Variants in ALPK2 observed in about 807,000 individuals in gnomAD.
The protein encoded by ALPK2 is alpha-protein kinase 2.
A neutral mutation model predicts 163.1 loss-of-function variants in ALPK2; 127 were observed. That is an observed-to-expected ratio of 0.78 (90% confidence interval 0.67 to 0.90). The LOEUF (loss-of-function observed/expected upper bound fraction) is 0.90, where lower values mean the gene tolerates loss of function less well. ALPK2 is among the 40% of genes least tolerant of loss of function. The pLI is 0.00. For synonymous variants in ALPK2, 953 were observed against 959.1 expected, an observed-to-expected ratio of 0.99 and a Z score of 0.12; for missense variants, 2,360 against 2,589.6, an observed-to-expected ratio of 0.91 and a Z score of 1.92.
intron 1 of ALPK2, among the ~76,000 whole-genome samples, chr18:58,623,836 T>C (rs1188892901): frequency 6.6e-6 from 1 of 152,182 alleles, no homozygotes; most frequent in Non-Finnish European, 1.5e-5. Context: ...GGCTGAACTT[T>C]AAAGCATGCC....
At position 58,536,937 on chromosome 18, in the gene ALPK2, G is replaced by C; in HGVS notation, c.3250C>G (p.His1084Asp). 6.2e-7 allele frequency: 1 copy of C among 1,614,214 alleles called. No homozygotes were observed. Among genetic ancestry groups the C allele is most frequent in the Non-Finnish European group, 8.5e-7 (1 of 1,180,036 alleles). Residue 1084 changes from histidine to aspartate, a missense_variant, in exon 5 of 13, where the codon CAC becomes GAC. By Grantham distance (81) the His-to-Asp change is moderately conservative. Coordinates refer to ENST00000361673, the MANE Select transcript of ALPK2 (RefSeq NM_052947.4). ...CRAPSVPGVP[H>D]HVLQLPEGEG... ...CCCTCTGGGAGCTGCAGGACATGGT[G>C]TGGGACTCCTGGCACACTGGGTGCC...
intron 11 of ALPK2, among the ~76,000 whole-genome samples, chr18:58,502,181 A>ACACACACAC (rs1568067744): frequency 8.9e-6 from 1 of 112,408 alleles, no homozygotes; most frequent in African/African-American, 3.4e-5. Flanking sequence ...CACACACACA[A>ACACACACAC]AGAAAAAAAA....
intron 4 of ALPK2, among the ~76,000 whole-genome samples, chr18:58,566,074 C>A (rs530064624): frequency 1.3e-5 from 2 of 152,162 alleles, no homozygotes; most frequent in African/African-American, 4.8e-5. Flanking sequence ...AGCCACTGCA[C>A]CAGGCCTATT....
intron 6 of ALPK2, among the ~76,000 whole-genome samples, chr18:58,525,069 T>C (rs2051577442): frequency 6.6e-6 from 1 of 152,198 alleles, no homozygotes; most frequent in Admixed American, 6.5e-5. Flanking sequence ...GTGTGTGGTG[T>C]ACATTTTAGC....
At chr18:58,513,739 G>C (rs955262464) in intron 10 of ALPK2, among the ~76,000 whole-genome samples, 1 of 152,138 alleles carries the variant, frequency 6.6e-6, no homozygotes, top group South Asian at 2.1e-4. Flanking sequence ...AATTAGCCAG[G>C]TGTGGTGGTG....
At chr18:58,616,175 T>C (rs1289216454) in intron 1 of ALPK2, among the ~76,000 whole-genome samples, 2 of 152,238 alleles carry the variant, frequency 1.3e-5, no homozygotes, top group Non-Finnish European at 2.9e-5. Context: ...GCCTTTTTTC[T>C]TTTCTTTTTT....
intron 11 of ALPK2, among the ~76,000 whole-genome samples, chr18:58,498,370 A>G (rs541449628): frequency 6.6e-6 from 1 of 152,112 alleles, no homozygotes; most frequent in Non-Finnish European, 1.5e-5. Context: ...CACCCACCCC[A>G]TGACAAGGAG....
At chr18:58,510,865 A>C (rs541060680) in intron 10 of ALPK2, among the ~76,000 whole-genome samples, 94 of 152,314 alleles carry the variant, frequency 6.2e-4, no homozygotes, top group African/African-American at 2.2e-3. Flanking sequence ...TTCCTAATTG[A>C]ATACCTTTTA....
At chr18:58,498,249 C>A in intron 11 of ALPK2, 152 bp from the exon 12 acceptor site, 1 of 687,952 alleles carries the variant, frequency 1.5e-6, no homozygotes, top group Non-Finnish European at 2.6e-6. Context: ...ACGCATCCAG[C>A]TTTAGGCAGG....
chr18:58,550,833 C>G (rs1307585753), intron 4 of ALPK2, among the ~76,000 whole-genome samples: 1 of 150,030 alleles, frequency 6.7e-6, no homozygotes, highest in Non-Finnish European at 1.5e-5. Context: ...TCATATACAA[C>G]TCCATCCTCA....
intron 1 of ALPK2, among the ~76,000 whole-genome samples, chr18:58,615,802 A>T (rs1187123356): frequency 6.6e-6 from 1 of 152,214 alleles, no homozygotes; most frequent in Non-Finnish European, 1.5e-5. Context: ...AGCTGGGCTG[A>T]CGTTGAGGAG....
rs766421814 is a variant in ALPK2 at position 58,535,444 on chromosome 18, CACAT to C, written c.4739_4742del (p.Tyr1580CysfsTer42). 1 of 1,614,202 alleles carries C rather than the reference CACAT, an allele frequency of 6.2e-7. No homozygotes were observed. The highest frequency in any genetic ancestry group is 1.3e-5 in the African/African-American group (1 of 75,042). ...TTCCCCTTTTCTGTGAAACAGGAAA[CACAT>C]ACTGACGCTTTCTGGGCTCAACTAT... On this transcript the variant is annotated frameshift_variant, in exon 5 of 13. Coordinates refer to ENST00000361673, the MANE Select transcript of ALPK2 (RefSeq NM_052947.4).
At chr18:58,521,410 A>C (rs1165779178) in intron 8 of ALPK2, among the ~76,000 whole-genome samples, 1 of 152,166 alleles carries the variant, frequency 6.6e-6, no homozygotes, top group Non-Finnish European at 1.5e-5. Context: ...TTTCTGAAGT[A>C]TTAGGAGTAA....
chr18:58,509,860 T>C (rs2051481100), intron 10 of ALPK2, among the ~76,000 whole-genome samples: 1 of 151,832 alleles, frequency 6.6e-6, no homozygotes, highest in Non-Finnish European at 1.5e-5. Context: ...TGGTAGTTTC[T>C]TTTGCTGTGC....
At chr18:58,573,194 G>C (rs889747790) in intron 4 of ALPK2, among the ~76,000 whole-genome samples, 1 of 147,830 alleles carries the variant, frequency 6.8e-6, no homozygotes, top group Non-Finnish European at 1.5e-5. Context: ...ATGTATATGT[G>C]TATATATATG....
chr18:58,554,057 C>T (rs1175311327), intron 4 of ALPK2, among the ~76,000 whole-genome samples: 2 of 151,594 alleles, frequency 1.3e-5, no homozygotes, highest in African/African-American at 2.4e-5. Flanking sequence ...GGCGGGATTT[C>T]CCCATGTTGG....
chr18:58,553,639 G>A (rs1022885744), intron 4 of ALPK2, among the ~76,000 whole-genome samples: 1 of 151,966 alleles, frequency 6.6e-6, no homozygotes, highest in Admixed American at 6.6e-5. Context: ...GACTTCTCAC[G>A]AGATCTGATG....
chr18:58,496,656 G>T (rs773186670), intron 12 of ALPK2, among the ~76,000 whole-genome samples: 2 of 152,166 alleles, frequency 1.3e-5, no homozygotes, highest in Non-Finnish European at 2.9e-5. Context: ...TAACCAGAAA[G>T]CTCCCACGGA....
At chr18:58,566,219 G>A (rs911539692) in intron 4 of ALPK2, among the ~76,000 whole-genome samples, 2 of 152,132 alleles carry the variant, frequency 1.3e-5, no homozygotes, top group African/African-American at 4.8e-5. Flanking sequence ...CCATTGTAAG[G>A]TACTGATATC....
Sources: gnomAD v4.1 joint callset for allele counts (sites outside exome capture counted in the v4.1 genomes callset) on GRCh38, gnomAD v4.1.1 for gene constraint, MANE v1.5 for transcripts, NCBI Gene and HGNC (gene_info 2026-07-23, HGNC 2026-07-21) for gene names.